Variants in PPP1R1C observed in about 807,000 individuals in gnomAD.
PPP1R1C encodes protein phosphatase 1 regulatory subunit 1C.
In PPP1R1C, 15 loss-of-function variants were observed where a neutral mutation model predicts 17.4. The ratio of observed to expected loss-of-function variants is 0.86; its 90% CI spans 0.58 to 1.33. PPP1R1C has a LOEUF of 1.33. Among genes scored for constraint, PPP1R1C ranks in the 40% most tolerant of loss-of-function variants. PPP1R1C has a pLI of 0.00. For synonymous variants in PPP1R1C, 35 were observed against 43.1 expected, an observed-to-expected ratio of 0.81 and a Z score of 0.73; for missense variants, 143 against 130.0, an observed-to-expected ratio of 1.10 and a Z score of -0.48.
At chr2:182,119,403 T>C (rs1689673782), downstream of PPP1R1C, among the ~76,000 whole-genome samples, 1 of 152,214 alleles carries the variant, frequency 6.6e-6, no homozygotes, top group South Asian at 2.1e-4. Flanking sequence ...TGATTTATAA[T>C]CCTTTGGGTA....
chr2:181,961,903 T>C lies in PPP1R1C; in HGVS notation n.111+7269T>C, dbSNP rs1684805013. The C allele has an allele frequency of 2.6e-6, 2 of 758,576 alleles. No homozygotes were observed. Among genetic ancestry groups the C allele is most frequent in the South Asian group, 2.7e-5 (2 of 74,578 alleles). 47.0% of individuals were successfully genotyped at this position (758,576 alleles called of 1,614,324 possible). A position where few individuals can be genotyped will look rare whatever the true frequency, so the allele number is the denominator to read the frequency against. On this transcript the variant is annotated intron_variant and non_coding_transcript_variant, in intron 1 of 5. Coordinates refer to the PPP1R1C transcript ENST00000464264. The surrounding 1 kb of genome is among the most constrained non-coding windows in gnomAD (Gnocchi z 5.8). The stretch of plus-strand genomic sequence containing the variant: ...TGTCTCCAGTGGCAGCCAAGTGACA[T>C]TGGTCATCAGTGACCTTGTGGAGCC...
chr2:181,980,682 A>T (rs1381821998), intron 2 of PPP1R1C, among the ~76,000 whole-genome samples: 1 of 152,218 alleles, frequency 6.6e-6, no homozygotes, highest in African/African-American at 2.4e-5. Flanking sequence ...TTCTTTAGTG[A>T]AACTGCCTCA....
intron 3 of PPP1R1C, among the ~76,000 whole-genome samples, chr2:182,061,890 G>T (rs1687861241): frequency 6.6e-6 from 1 of 151,962 alleles, no homozygotes; most frequent in Admixed American, 6.6e-5. Context: ...GAGTCTAGGG[G>T]GACTGAAGTC....
chr2:181,954,548 T>C (rs888642595), exon 1 of PPP1R1C: 2 of 152,102 alleles, frequency 1.3e-5, no homozygotes, highest in Non-Finnish European at 2.9e-5. Context: ...ACCGAGACCT[T>C]GGAGAGCCAC....
chr2:182,033,605 C>T (rs986485622), intron 2 of PPP1R1C, among the ~76,000 whole-genome samples: 17 of 152,162 alleles, frequency 1.1e-4, no homozygotes, highest in African/African-American at 4.1e-4. Context: ...CACTGCTTAA[C>T]TCAGGTCCTT....
At chr2:182,001,976 T>C (rs1300260941) in intron 2 of PPP1R1C, among the ~76,000 whole-genome samples, 1 of 152,180 alleles carries the variant, frequency 6.6e-6, no homozygotes, top group South Asian at 2.1e-4. Flanking sequence ...CCAGCTGCTA[T>C]ATTATTTTCT....
At chr2:182,103,112 T>G (rs951341362) in intron 4 of PPP1R1C, among the ~76,000 whole-genome samples, 16 of 152,334 alleles carry the variant, frequency 1.1e-4, no homozygotes, top group Admixed American at 1.3e-4. Flanking sequence ...CAAGCCGTGA[T>G]CTTAAAGCAA....
intron 2 of PPP1R1C, among the ~76,000 whole-genome samples, chr2:182,047,214 A>G (rs958252455): frequency 6.6e-6 from 1 of 152,178 alleles, no homozygotes; most frequent in Non-Finnish European, 1.5e-5. Flanking sequence ...TGATGAGAAT[A>G]CTTTTGTGAT....
At chr2:182,082,706 G>A (rs1231441591) in intron 4 of PPP1R1C, among the ~76,000 whole-genome samples, 1 of 152,156 alleles carries the variant, frequency 6.6e-6, no homozygotes, top group African/African-American at 2.4e-5. Context: ...CAAAAGCACT[G>A]TTAAACATTG....
chr2:181,985,880 G>A lies in PPP1R1C; in HGVS notation c.-231G>A. The A allele has an allele frequency of 1.7e-6, 1 of 588,730 alleles. No homozygotes were observed. Among genetic ancestry groups the A allele is most frequent in the Admixed American group, 3.0e-5 (1 of 32,942 alleles). 36.5% of individuals were successfully genotyped at this position (588,730 alleles called of 1,614,324 possible). On this transcript the variant is annotated 5_prime_UTR_variant, in exon 1 of 5. Transcript: ENST00000682840. The surrounding 1 kb of genome is among the most constrained non-coding windows in gnomAD (Gnocchi z 4.1). ...TGTTCCTTTCTGTATTGTGCTGAGAGGATCCAAGGGATTGGTGGGGGAACA... is the reference window on the plus strand; with the variant it reads ...TGTTCCTTTCTGTATTGTGCTGAGAAGATCCAAGGGATTGGTGGGGGAACA...
At chr2:181,997,180 C>T (rs908599648) in intron 2 of PPP1R1C, among the ~76,000 whole-genome samples, 15 of 148,472 alleles carry the variant, frequency 1.0e-4, no homozygotes, top group Non-Finnish European at 1.9e-4. Flanking sequence ...AGTGAATTGA[C>T]ATTGCGCCAC....
At chr2:182,102,674 T>C (rs1689132612) in intron 4 of PPP1R1C, among the ~76,000 whole-genome samples, 2 of 152,124 alleles carry the variant, frequency 1.3e-5, no homozygotes, top group African/African-American at 4.8e-5. Context: ...ATTTTGAAAA[T>C]ACATCAATTT....
chr2:181,980,465 T>C (rs190002471), intron 2 of PPP1R1C, among the ~76,000 whole-genome samples: 402 of 152,332 alleles, frequency 2.6e-3, no homozygotes, highest in Non-Finnish European at 4.7e-3. Context: ...TCTAAGACTG[T>C]CCACACTGGG....
At chr2:182,094,891 G>A (rs575944451) in intron 4 of PPP1R1C, among the ~76,000 whole-genome samples, 1 of 152,270 alleles carries the variant, frequency 6.6e-6, no homozygotes, top group South Asian at 2.1e-4. Context: ...GACTAGTGAC[G>A]TTTCAACTTA....
At chr2:182,011,837 AT>A (rs1686095827) in intron 2 of PPP1R1C, among the ~76,000 whole-genome samples, 1 of 152,012 alleles carries the variant, frequency 6.6e-6, no homozygotes. Context: ...GTTTCAAGAA[AT>A]TCTTCAACTT....
intron 4 of PPP1R1C, among the ~76,000 whole-genome samples, chr2:182,076,192 C>CTTTTTTTTTT (rs1688296764): frequency 7.7e-5 from 2 of 25,838 alleles, no homozygotes; most frequent in Non-Finnish European, 1.5e-4. Context: ...TTTTTTTTTT[C>CTTTTTTTTTT]TTTTCTTTTT....
chr2:181,970,682 G>A (rs972324293), intron 1 of PPP1R1C, among the ~76,000 whole-genome samples: 1 of 152,166 alleles, frequency 6.6e-6, no homozygotes, highest in African/African-American at 2.4e-5. Context: ...CTGGCCATGG[G>A]TGGGTCCTGA....
chr2:181,990,734 C>T (rs1685452209), intron 2 of PPP1R1C, among the ~76,000 whole-genome samples: 1 of 152,202 alleles, frequency 6.6e-6, no homozygotes, highest in South Asian at 2.1e-4. Flanking sequence ...CACTCTCTAT[C>T]AAACAACAAA....
chr2:182,122,327 G>GA (rs1484305120), downstream of PPP1R1C, among the ~76,000 whole-genome samples: 2 of 152,014 alleles, frequency 1.3e-5, no homozygotes, highest in East Asian at 3.9e-4. Context: ...GGTTGGCCAG[G>GA]AAAAATCCTT....
Sources: gnomAD v4.1 joint callset for allele counts (sites outside exome capture counted in the v4.1 genomes callset) on GRCh38, gnomAD v4.1.1 for gene constraint, Gnocchi (gnomAD v3.1) non-coding constraint, MANE v1.5 for transcripts, NCBI Gene and HGNC (gene_info 2026-07-23, HGNC 2026-07-21) for gene names.